Variants in CCDC171 observed in about 807,000 individuals in gnomAD.
The protein encoded by CCDC171 is coiled-coil domain containing 171.
A neutral mutation model predicts 168.2 loss-of-function variants in CCDC171; 177 were observed. That is an observed-to-expected ratio of 1.05 (90% CI 0.93 to 1.19). The LOEUF is 1.19. Ranked by LOEUF, CCDC171 falls within the 50% of genes most tolerant of loss-of-function variation. The pLI is 0.00. For synonymous variants in CCDC171, 687 were observed against 540.8 expected (o/e 1.27, Z -3.75); for missense variants, 1,991 against 1,539.0 (o/e 1.29, Z -4.91).
chr9:15,796,817 G>GTACAGCC (rs2058579532), intron 21 of CCDC171, among the ~76,000 whole-genome samples: 1 of 152,188 alleles, frequency 6.6e-6, no homozygotes, highest in African/African-American at 2.4e-5. Flanking sequence ...GACCTGGCAA[G>GTACAGCC]TACAGCCTAC....
At chr9:16,048,196 C>G (rs146498254) in intron 1 of CCDC171, among the ~76,000 whole-genome samples, 1 of 152,214 alleles carries the variant, frequency 6.6e-6, no homozygotes, top group African/African-American at 2.4e-5. Context: ...TCCTTTGGAG[C>G]AAATTTAAGA....
At chr9:15,910,373 C>G (rs888150144) in intron 24 of CCDC171, among the ~76,000 whole-genome samples, 1 of 152,098 alleles carries the variant, frequency 6.6e-6, no homozygotes, top group Non-Finnish European at 1.5e-5. Context: ...GATCAGTTGG[C>G]TGTAGGTATG....
chr9:15,871,086 G>C (rs1197724239), intron 23 of CCDC171, among the ~76,000 whole-genome samples: 1 of 151,520 alleles, frequency 6.6e-6, no homozygotes, highest in Non-Finnish European at 1.5e-5. Context: ...AAGGGAGAAA[G>C]TAAACTGTTC....
Position 16,026,231 on chromosome 9 carries a change from C to G in CCDC171, n.998+3323C>G, listed in dbSNP as rs554445733. On this transcript the variant is annotated intron_variant and non_coding_transcript_variant, in intron 6 of 9. Coordinates refer to the CCDC171 transcript ENST00000486641. ...CTGGGGTCACCCTAACCCTGCCACA[C>G]CAGAGCCAGGGTCTCAACAGATACA... Among the ~76,000 whole-genome samples, 9 of 152,252 alleles carry G rather than the reference C, an allele frequency of 5.9e-5. No individual in the cohort carries two copies. In the East Asian group the frequency reaches 1.7e-3, roughly 29 times the overall value.
At chr9:15,636,682 T>A (rs894811834) in intron 7 of CCDC171, among the ~76,000 whole-genome samples, 1 of 143,604 alleles carries the variant, frequency 7.0e-6, no homozygotes, top group Non-Finnish European at 1.5e-5. Flanking sequence ...CTGGGGAGTT[T>A]GGGCCTGCAG....
At chr9:15,591,662 T>C in intron 5 of CCDC171, 106 bp downstream of exon 5, 1 of 673,050 alleles carries the variant, frequency 1.5e-6, no homozygotes, top group Non-Finnish European at 2.5e-6. Context: ...TTTTCCTTCC[T>C]CCTTCCTTCC....
chr9:15,582,982 C>T (rs1202939711), intron 4 of CCDC171, among the ~76,000 whole-genome samples: 2 of 151,190 alleles, frequency 1.3e-5, no homozygotes, highest in East Asian at 3.9e-4. Context: ...CCAGCATTCC[C>T]ACTACTGGGT....
chr9:15,587,975 G>T (rs1049408521), intron 4 of CCDC171, among the ~76,000 whole-genome samples: 3 of 152,144 alleles, frequency 2.0e-5, no homozygotes, highest in African/African-American at 7.2e-5. Context: ...GGTGGCTCAC[G>T]CCTGTAATCG....
At chr9:15,995,103 G>A (rs1455139311) in intron 3 of CCDC171, among the ~76,000 whole-genome samples, 3 of 152,064 alleles carry the variant, frequency 2.0e-5, no homozygotes, top group Admixed American at 6.6e-5. Context: ...CCACACCCAC[G>A]CCTCTGTTCA....
chr9:15,842,571 G>A (rs931407154), intron 21 of CCDC171, among the ~76,000 whole-genome samples: 2 of 151,796 alleles, frequency 1.3e-5, no homozygotes, highest in African/African-American at 4.8e-5. Context: ...TAGCCACATT[G>A]TTTTGATAAG....
chr9:15,769,628 C>T (rs1388910201), intron 18 of CCDC171, among the ~76,000 whole-genome samples: 1 of 152,196 alleles, frequency 6.6e-6, no homozygotes, highest in Non-Finnish European at 1.5e-5. Context: ...TTATGCTCAT[C>T]TTAACTAATC....
In CCDC171 at chr9:15,721,881, A is replaced by G; in HGVS notation, c.1425+6A>G. ...TGGAAGATGCATCTAATGAGGTAACACTTGCACTGTTTGGCTCCACACATA... is the reference window on the plus strand; with the variant it reads ...TGGAAGATGCATCTAATGAGGTAACGCTTGCACTGTTTGGCTCCACACATA... On this transcript the variant is annotated splice_donor_region_variant and intron_variant, in intron 12 of 25. Coordinates refer to ENST00000380701, the MANE Select transcript of CCDC171 (RefSeq NM_173550.4). The G allele has an allele frequency of 1.4e-6, 2 of 1,474,506 alleles. No homozygotes were observed. Among genetic ancestry groups the G allele is most frequent in the Non-Finnish European group, 1.8e-6 (2 of 1,092,296 alleles). 91.3% of individuals were successfully genotyped at this position (1,474,506 alleles called of 1,614,324 possible).
intron 6 of CCDC171, among the ~76,000 whole-genome samples, chr9:15,607,720 A>T (rs1403818191): frequency 6.6e-6 from 1 of 152,086 alleles, no homozygotes. Context: ...GCCTTGGCCT[A>T]TCAAAGTGCT....
chr9:15,920,831 G>A (rs1211115715), intron 25 of CCDC171, among the ~76,000 whole-genome samples: 2 of 151,496 alleles, frequency 1.3e-5, no homozygotes, highest in Non-Finnish European at 3.0e-5. Flanking sequence ...TAGAAATCTA[G>A]ACTTATCCAT....
intron 10 of CCDC171, among the ~76,000 whole-genome samples, chr9:15,684,681 A>G (rs1455069074): frequency 6.6e-6 from 1 of 152,206 alleles, no homozygotes; most frequent in Non-Finnish European, 1.5e-5. Context: ...GACATGTTAG[A>G]TTAAGCCAGA....
At chr9:16,046,100 G>T (rs991072012) in intron 1 of CCDC171, among the ~76,000 whole-genome samples, 6 of 152,198 alleles carry the variant, frequency 3.9e-5, no homozygotes, top group African/African-American at 1.4e-4. Flanking sequence ...GCAAAGTCCA[G>T]ATTTGAATTC....
chr9:16,018,576 TAAATC>T (rs1833088426), intron 3 of CCDC171, among the ~76,000 whole-genome samples: 2 of 152,212 alleles, frequency 1.3e-5, no homozygotes, highest in South Asian at 2.1e-4. Flanking sequence ...TAATCAGTAA[TAAATC>T]AAAGAATCTT....
chr9:15,647,589 G>C (rs2382537), intron 7 of CCDC171, among the ~76,000 whole-genome samples: 149,176 of 152,286 alleles, frequency 0.98, 73,139 homozygotes, highest in Middle Eastern at 1. Flanking sequence ...CACAGAAATA[G>C]AGACTACCAT....
chr9:15,940,007 TG>T (rs1827540164), intron 25 of CCDC171, among the ~76,000 whole-genome samples: 1 of 151,932 alleles, frequency 6.6e-6, no homozygotes, highest in Non-Finnish European at 1.5e-5. Context: ...GACTTGTTTT[TG>T]TTTCTTCCAA....
Sources: allele counts gnomAD v4.1 joint callset (sites outside exome capture counted in the v4.1 genomes callset), GRCh38; gene constraint gnomAD v4.1.1; transcripts MANE v1.5; gene names NCBI Gene and HGNC (gene_info 2026-07-23, HGNC 2026-07-21).